RIMBP2: variants seen among roughly 807,000 people sequenced by gnomAD.
RIMBP2 encodes the protein RIMS-binding protein 2.
Under a neutral mutation model 118.6 loss-of-function variants are expected in RIMBP2, and 48 were observed. That is an observed-to-expected ratio of 0.40 (90% CI 0.32 to 0.51). The LOEUF is 0.51. RIMBP2 is among the 20% of genes least tolerant of loss of function. The pLI is 0.41. For missense variants in RIMBP2, 1,551 were observed against 1,768.3 expected (o/e 0.88, Z 2.20); for synonymous variants, 762 against 742.9 (o/e 1.03, Z -0.42).
chr12:130,456,823 TTG>T (rs1203717963), intron 6 of RIMBP2, 123 bp from the exon 7 acceptor site: 26 of 660,330 alleles, frequency 3.9e-5, no homozygotes, highest in South Asian at 1.3e-4. Context: ...TACACACGTG[TTG>T]TGTCTGTGAA....
At chr12:130,664,393 ACACACGCACGCACGCACG>A in intron 1 of RIMBP2, among the ~76,000 whole-genome samples, 1 of 58,416 alleles carries the variant, frequency 1.7e-5, no homozygotes, top group Non-Finnish European at 4.7e-5. Context: ...GCGCATGCAC[ACACACGCACGCACGCACG>A]CACACACACG....
In RIMBP2 at chr12:130,710,345, C is replaced by T. The variant is rs1211329173; in HGVS notation, c.-352+5877G>A. On this transcript the variant is annotated intron_variant, in intron 1 of 22. Coordinates refer to ENST00000690449, the MANE Select transcript of RIMBP2 (RefSeq NM_001393629.1). This position sits in a 1 kb window ranked among gnomAD's most constrained non-coding sequence, Gnocchi z 4.3. ...GGCCCCTGACATCAGCCATTGGAAC[C>T]CTCTGCTGGGCACTCCATCAGGGCA... 6.6e-6 allele frequency among the ~76,000 whole-genome samples: 1 copy of T among 152,094 alleles called. No homozygotes were observed. The highest frequency in any genetic ancestry group is 6.5e-5 in the Admixed American group (1 of 15,274).
intron 1 of RIMBP2, among the ~76,000 whole-genome samples, chr12:130,635,684 A>T (rs1276426318): frequency 6.6e-6 from 1 of 152,132 alleles, no homozygotes; most frequent in Non-Finnish European, 1.5e-5. Flanking sequence ...TTCGTGACTC[A>T]CAATGCTATC....
In RIMBP2 at chr12:130,441,959, T is replaced by C. The variant is rs1233174513; in HGVS notation, c.1393A>G (p.Met465Val). The change falls in exon 11 of 23, where the codon ATG (methionine) becomes GTG (valine). Residue 465 changes from methionine to valine, a missense_variant. Transcript: ENST00000690449. The part of the protein sequence containing the change: ...KYQFFNLRPN[M>V]AYKVKVLAKP... The stretch of plus-strand genomic sequence containing the variant: ...GCCAGAACCTTCACCTTATAGGCCA[T>C]GTTGGGCCTGAGATTGAAGAACTGG... 4 of 1,613,986 alleles carry C rather than the reference T, an allele frequency of 2.5e-6. No homozygotes were observed. The highest frequency in any genetic ancestry group is 3.4e-6 in the Non-Finnish European group (4 of 1,180,048).
At chr12:130,493,943 G>A (rs548772371) in intron 4 of RIMBP2, among the ~76,000 whole-genome samples, 6 of 152,250 alleles carry the variant, frequency 3.9e-5, no homozygotes, top group South Asian at 2.1e-4. Flanking sequence ...CACCAACTAC[G>A]TCCAGGTGGC....
intron 1 of RIMBP2, among the ~76,000 whole-genome samples, chr12:130,686,548 TGCTGAGATGACAGCCCATC>T (rs2065053948): frequency 6.6e-6 from 1 of 152,216 alleles, no homozygotes; most frequent in Non-Finnish European, 1.5e-5. Context: ...TTTAAATCAC[TGCTGAGATGACAGCCCATC>T]GCTGTGCCAG....
At chr12:130,594,191 T>C (rs1256015798) in intron 2 of RIMBP2, among the ~76,000 whole-genome samples, 1 of 152,258 alleles carries the variant, frequency 6.6e-6, no homozygotes. Flanking sequence ...TTCCGTCATG[T>C]TGCACAGTCA....
At position 130,506,653 on chromosome 12, in the gene RIMBP2, G is replaced by A; in HGVS notation, c.-9C>T. The A allele has an allele frequency of 1.0e-6, 1 of 985,722 alleles. No homozygotes were observed. The highest frequency in any genetic ancestry group is 4.7e-5 in the South Asian group (1 of 21,292). 61.1% of individuals were successfully genotyped at this position (985,722 alleles called of 1,614,324 possible). ...AATGCAGAAAGCCAGCTTACCTTCA[G>A]GACCTGTTCTAGGTTCTCCAGCTTG... is the stretch of plus-strand genomic sequence containing the variant. On this transcript the variant is annotated 5_prime_UTR_variant, in exon 4 of 23. Coordinates refer to ENST00000690449, the MANE Select transcript of RIMBP2 (RefSeq NM_001393629.1).
intron 2 of RIMBP2, among the ~76,000 whole-genome samples, chr12:130,593,879 C>T (rs756628140): frequency 3.9e-5 from 6 of 152,174 alleles, no homozygotes; most frequent in Admixed American, 3.3e-4. Context: ...CTTTCCCAAT[C>T]GCTACAACTT....
intron 1 of RIMBP2, among the ~76,000 whole-genome samples, chr12:130,709,931 G>T (rs1949784961): frequency 6.6e-6 from 1 of 152,088 alleles, no homozygotes; most frequent in Non-Finnish European, 1.5e-5. Flanking sequence ...AAGGAGCGCG[G>T]TAAGAGGCAT....
chr12:130,491,888 T>C (rs1024337225), intron 4 of RIMBP2, among the ~76,000 whole-genome samples: 1 of 152,244 alleles, frequency 6.6e-6, no homozygotes, highest in African/African-American at 2.4e-5. Flanking sequence ...TAGCTGACTG[T>C]CGACATTCAC....
At chr12:130,618,484 G>A (rs57863215) in intron 2 of RIMBP2, among the ~76,000 whole-genome samples, 2,792 of 152,228 alleles carry the variant, frequency 0.018, 102 homozygotes, top group African/African-American at 0.063. Context: ...TTCAGTCTTA[G>A]GTTTCTCGCC....
rs1323566441 is a variant in RIMBP2 at position 130,683,823 on chromosome 12, T to G, written c.-352+32399A>C. ...AATAATCCACCCCTTGTTTAGCATATAATTAAGAAATAACCATAAAAATAG... is the reference window on the plus strand; with the variant it reads ...AATAATCCACCCCTTGTTTAGCATAGAATTAAGAAATAACCATAAAAATAG... On this transcript the variant is annotated intron_variant, in intron 1 of 22. Transcript: ENST00000690449. The surrounding 1 kb of genome is among the most constrained non-coding windows in gnomAD (Gnocchi z 4.4). Among the ~76,000 whole-genome samples, 1 of 152,214 alleles carries G rather than the reference T, an allele frequency of 6.6e-6. No individual in the cohort carries two copies. The highest frequency in any genetic ancestry group is 1.5e-5 in the Non-Finnish European group (1 of 68,044).
At chr12:130,512,706 A>C (rs932996715) in intron 3 of RIMBP2, among the ~76,000 whole-genome samples, 6 of 152,216 alleles carry the variant, frequency 3.9e-5, no homozygotes, top group Admixed American at 6.5e-5. Flanking sequence ...TAAAGGAGAA[A>C]GTGGACTCAG....
At chr12:130,641,304 CGG>C (rs2062608833) in intron 1 of RIMBP2, among the ~76,000 whole-genome samples, 6 of 151,788 alleles carry the variant, frequency 4.0e-5, no homozygotes, top group African/African-American at 1.2e-4. Flanking sequence ...TGGTGACTGC[CGG>C]ACACTCGGCC....
At chr12:130,439,017 A>G (rs2077778610) in intron 11 of RIMBP2, among the ~76,000 whole-genome samples, 1 of 136,636 alleles carries the variant, frequency 7.3e-6, no homozygotes, top group Admixed American at 8.1e-5. Context: ...CTCTCCCTCT[A>G]CCCTCTGCCC....
rs757286951 is a variant in RIMBP2 at position 130,437,082 on chromosome 12, A to G, written c.1866T>C (p.Ser622=). The G allele has an allele frequency of 1.9e-6, 3 of 1,577,056 alleles. No individual in the cohort carries two copies. The highest frequency in any genetic ancestry group is 2.6e-6 in the Non-Finnish European group (3 of 1,159,680). ...GCTCGTCTTTGGTTTCGGGGACTCC[A>G]GAACTTGCTAATGGCTTTGATTGGG... ...PAPQSKPLAS[S]GVPETKDEHL... Residue 622 remains serine, a synonymous_variant, in exon 13 of 23, where the codon TCT becomes TCC. Transcript: ENST00000690449.
intron 22 of RIMBP2, chr12:130,397,787 G>A (rs1011269284): frequency 1.2e-5 from 4 of 329,852 alleles, no homozygotes; most frequent in South Asian, 1.6e-4. Context: ...CGGGGTGGCC[G>A]TTGCTTTGGC....
chr12:130,421,730 T>A (rs142176972), intron 17 of RIMBP2, among the ~76,000 whole-genome samples: 1 of 151,956 alleles, frequency 6.6e-6, no homozygotes, highest in South Asian at 2.1e-4. Flanking sequence ...TGTGTTTTCA[T>A]AGAAGCCTGG....
Sources: allele counts gnomAD v4.1 joint callset (sites outside exome capture counted in the v4.1 genomes callset), GRCh38; gene constraint gnomAD v4.1.1; non-coding constraint Gnocchi (gnomAD v3.1); transcripts MANE v1.5; gene names NCBI Gene and HGNC (gene_info 2026-07-23, HGNC 2026-07-21).